UGT1A10: variants seen among roughly 807,000 people sequenced by gnomAD.
UGT1A10 encodes UDP glucuronosyltransferase family 1 member A10.
Under a neutral mutation model 45.8 loss-of-function variants are expected in UGT1A10, and 49 were observed. The observed-to-expected ratio is 1.07, with a 90% CI of 0.85 to 1.36. UGT1A10 has a LOEUF of 1.36. Ranked by LOEUF, UGT1A10 falls within the 40% of genes most tolerant of loss-of-function variation. The probability of loss-of-function intolerance (pLI) is 0.00; values close to 1 mark genes in which losing one functional copy is unlikely to be tolerated. For synonymous variants in UGT1A10, 284 were observed against 249.7 expected (o/e 1.14, Z -1.29); for missense variants, 745 against 668.6 (o/e 1.11, Z -1.26).
chr2:233,745,639 G>T (rs182919627), intron 1 of UGT1A10, among the ~76,000 whole-genome samples: 1 of 151,500 alleles, frequency 6.6e-6, no homozygotes, highest in South Asian at 2.1e-4. Context: ...AAAGCTGGCC[G>T]AGGGTAGAGT....
Position 233,682,404 on chromosome 2 carries a change from T to C in UGT1A10, c.855+45027T>C, listed in dbSNP as rs140683946. On this transcript the variant is annotated intron_variant, in intron 1 of 4. Transcript: ENST00000344644. ...GATCCTTTTGATGCCTGTGGCTTAA[T>C]TGTTGCCAAATATTTCTCCCTCCCC... 2.6e-5 allele frequency: 42 copies of C among 1,613,888 alleles called. No individual in the cohort carries two copies. In the African/African-American group the frequency reaches 3.9e-4, roughly 15 times the overall value.
intron 1 of UGT1A10, among the ~76,000 whole-genome samples, chr2:233,639,745 A>C (rs1452989090): frequency 6.6e-6 from 1 of 152,196 alleles, no homozygotes; most frequent in Admixed American, 6.5e-5. Flanking sequence ...TTTAACAATG[A>C]TGGCAGATGG....
intron 1 of UGT1A10, chr2:233,713,397 G>T (rs1559359368): frequency 5.0e-6 from 8 of 1,613,912 alleles, no homozygotes; most frequent in Non-Finnish European, 6.8e-6. Flanking sequence ...GCATAATGAG[G>T]CCCTGATCAG....
In UGT1A10 at chr2:233,767,082, TTC is replaced by T; in HGVS notation, c.908_909del (p.Ser303PhefsTer18). ...NASGEHGIVV[F>X]SLGSMVSEIP... ...TTCTGGAGAACATGGAATTGTGGTTTTCTCTTTGGGATCAATGGTCTCAGAAA... is the reference window on the plus strand; with the variant it reads ...TTCTGGAGAACATGGAATTGTGGTTTTCTTTGGGATCAATGGTCTCAGAAA... On this transcript the variant is annotated frameshift_variant, in exon 2 of 5. Coordinates refer to ENST00000344644, the MANE Select transcript of UGT1A10 (RefSeq NM_019075.4). LOFTEE classifies it high-confidence loss of function. The T allele has an allele frequency of 6.2e-7, 1 of 1,614,166 alleles. No homozygotes were observed. The highest frequency in any genetic ancestry group is 8.5e-7 in the Non-Finnish European group (1 of 1,180,030).
chr2:233,641,684 AG>A (rs2073457071), intron 1 of UGT1A10, among the ~76,000 whole-genome samples: 1 of 152,160 alleles, frequency 6.6e-6, no homozygotes, highest in South Asian at 2.1e-4. Flanking sequence ...CATTTCTTGT[AG>A]GATCGGTCTG....
At chr2:233,743,679 C>G (rs773832305) in intron 1 of UGT1A10, 3 of 1,367,098 alleles carry the variant, frequency 2.2e-6, no homozygotes, top group African/African-American at 3.0e-5. Context: ...AAGGGCCTGC[C>G]GCCTGTGCAG....
chr2:233,745,697 C>A (rs1481234082), intron 1 of UGT1A10, among the ~76,000 whole-genome samples: 2 of 147,560 alleles, frequency 1.4e-5, no homozygotes, highest in African/African-American at 5.1e-5. Flanking sequence ...GTTTGGAGAA[C>A]AACAAGTGAT....
chr2:233,693,399 A>T, intron 1 of UGT1A10: 2 of 1,614,156 alleles, frequency 1.2e-6, no homozygotes, highest in South Asian at 1.1e-5. Context: ...CTCCTGCAGG[A>T]CAGGGACACC....
chr2:233,704,581 CAGAG>C (rs563313301), intron 1 of UGT1A10, among the ~76,000 whole-genome samples: 4 of 151,992 alleles, frequency 2.6e-5, no homozygotes, highest in African/African-American at 7.3e-5. Flanking sequence ...TTTCAAGAAT[CAGAG>C]AGAAGAAAGA....
chr2:233,679,690 G>A (rs757404992), intron 1 of UGT1A10, among the ~76,000 whole-genome samples: 13 of 152,014 alleles, frequency 8.6e-5, no homozygotes, highest in Non-Finnish European at 1.3e-4. Context: ...GCTTGGCAGA[G>A]GCTGGTTCTC....
At chr2:233,647,210 A>C (rs2073628160) in intron 1 of UGT1A10, among the ~76,000 whole-genome samples, 1 of 152,210 alleles carries the variant, frequency 6.6e-6, no homozygotes, top group Non-Finnish European at 1.5e-5. Flanking sequence ...CTTCCATGAC[A>C]CGTGGAAATT....
rs200102302 is a variant in UGT1A10, at chr2:233,761,088, C to T, written c.856-5946C>T. Reference sequence around the variant, plus strand: ...ACTTTGTGAAGGATTACCCTAGGCCCATCATGCCCAATATGGTTTTTGTTG... The same window carrying T: ...ACTTTGTGAAGGATTACCCTAGGCCTATCATGCCCAATATGGTTTTTGTTG... On this transcript the variant is annotated intron_variant, in intron 1 of 4. Coordinates refer to ENST00000344644, the MANE Select transcript of UGT1A10 (RefSeq NM_019075.4). The T allele has an allele frequency of 4.8e-5, 77 of 1,614,202 alleles. No individual in the cohort carries two copies. Among genetic ancestry groups the T allele is most frequent in the Admixed American group, 1.0e-4 (6 of 60,034 alleles).
intron 1 of UGT1A10, among the ~76,000 whole-genome samples, chr2:233,766,527 C>A (rs182363342): frequency 6.6e-6 from 1 of 152,236 alleles, no homozygotes; most frequent in Non-Finnish European, 1.5e-5. Context: ...AACATTTAGG[C>A]AGGAAAACAA....
chr2:233,746,330 C>T (rs1183707871), intron 1 of UGT1A10, among the ~76,000 whole-genome samples: 1 of 151,730 alleles, frequency 6.6e-6, no homozygotes, highest in African/African-American at 2.4e-5. Context: ...ATCTACAGGG[C>T]AATGGACATG....
chr2:233,768,267 GT>G lies in UGT1A10; in HGVS notation c.1126del (p.Tyr376MetfsTer11). Reference protein sequence around the residue: ...AFITHAGSHGVYESICNGVPM... With the variant: ...AFITHAGSHGXYESICNGVPM... The stretch of plus-strand genomic sequence containing the variant: ...TATCACCCATGCTGGTTCCCATGGT[GT>G]TTATGAAAGCATATGCAATGGCGTT... On this transcript the variant is annotated frameshift_variant, in exon 4 of 5. Coordinates refer to ENST00000344644, the MANE Select transcript of UGT1A10 (RefSeq NM_019075.4). LOFTEE classifies it high-confidence loss of function. 6.2e-7 allele frequency: 1 copy of G among 1,614,160 alleles called. No homozygotes were observed. The highest frequency in any genetic ancestry group is 8.5e-7 in the Non-Finnish European group (1 of 1,180,032).
chr2:233,760,502 C>T (rs534361076), intron 1 of UGT1A10: 2 of 1,614,242 alleles, frequency 1.2e-6, no homozygotes, highest in Non-Finnish European at 1.7e-6. Flanking sequence ...AGAGACGGAG[C>T]ATTTTACACC....
chr2:233,757,637 C>T (rs375047032), intron 1 of UGT1A10, among the ~76,000 whole-genome samples: 1 of 148,590 alleles, frequency 6.7e-6, no homozygotes, highest in Non-Finnish European at 1.5e-5. Context: ...CAGAACAGAA[C>T]AAAATGCTGT....
At chr2:233,765,064 G>A (rs1050662538) in intron 1 of UGT1A10, among the ~76,000 whole-genome samples, 2 of 152,202 alleles carry the variant, frequency 1.3e-5, no homozygotes, top group Admixed American at 1.3e-4. Flanking sequence ...CCTGTCAGAG[G>A]TCTCCTGTGT....
intron 1 of UGT1A10, chr2:233,691,707 C>G: frequency 1.1e-6 from 1 of 940,490 alleles, no homozygotes; most frequent in Non-Finnish European, 1.3e-6. Flanking sequence ...GAGTCACTCC[C>G]CTGGCAGATG....
Sources: allele counts gnomAD v4.1 joint callset (sites outside exome capture counted in the v4.1 genomes callset), GRCh38; gene constraint gnomAD v4.1.1; transcripts MANE v1.5; gene names NCBI Gene and HGNC (gene_info 2026-07-23, HGNC 2026-07-21).